The following DNAH9 variants were observed in gnomAD, a reference collection of about 807,000 sequenced individuals.
DNAH9 encodes the protein DNAH9 variant protein.
A neutral mutation model predicts 471.6 loss-of-function variants in DNAH9; 345 were observed. The observed-to-expected ratio is 0.73, with a 90% CI of 0.67 to 0.80. The LOEUF (loss-of-function observed/expected upper bound fraction) is 0.80, where lower values mean the gene tolerates loss of function less well. DNAH9 is among the 30% of genes least tolerant of loss of function. DNAH9 has a pLI of 0.00. For missense variants in DNAH9, 5,407 were observed against 5,609.2 expected, an observed-to-expected ratio of 0.96 and a Z score of 1.15; for synonymous variants, 2,093 against 2,123.6, an observed-to-expected ratio of 0.99 and a Z score of 0.40.
chr17:11,952,141 T>A (rs1404235215), intron 67 of DNAH9, among the ~76,000 whole-genome samples: 1 of 9,742 alleles, frequency 1.0e-4, no homozygotes, highest in Non-Finnish European at 4.1e-4. Flanking sequence ...CTATATTACT[T>A]TTTTTTTTTT....
At chr17:11,863,611 T>C (rs1971937363) in intron 50 of DNAH9, among the ~76,000 whole-genome samples, 1 of 151,454 alleles carries the variant, frequency 6.6e-6, no homozygotes, top group Non-Finnish European at 1.5e-5. Flanking sequence ...AGCTCCTCCT[T>C]GTACCTCTGG....
chr17:11,833,655 T>A (rs763835732), intron 48 of DNAH9, among the ~76,000 whole-genome samples: 1 of 152,198 alleles, frequency 6.6e-6, no homozygotes, highest in African/African-American at 2.4e-5. Context: ...TTTTTGTTTG[T>A]CTTCCTGCAA....
At chr17:11,902,385 G>T (rs1051467598) in intron 59 of DNAH9, among the ~76,000 whole-genome samples, 4 of 152,204 alleles carry the variant, frequency 2.6e-5, no homozygotes, top group Non-Finnish European at 4.4e-5. Flanking sequence ...AACTTTAGGT[G>T]TCCAAGCTTC....
At chr17:11,893,198 T>G (rs899106995) in intron 58 of DNAH9, among the ~76,000 whole-genome samples, 27 of 61,698 alleles carry the variant, frequency 4.4e-4, no homozygotes, top group Middle Eastern at 0.029. Flanking sequence ...AAAAAAAATG[T>G]GGGCCCCACC....
intron 43 of DNAH9, among the ~76,000 whole-genome samples, chr17:11,807,072 G>A (rs574829954): frequency 3.7e-4 from 57 of 152,202 alleles, no homozygotes; most frequent in South Asian, 2.9e-3. Context: ...CACTGAGAGC[G>A]GTGAGCAGTA....
At position 11,932,220 on chromosome 17, in the gene DNAH9, C is replaced by G. The variant is rs1439376486; in HGVS notation, c.12297+15C>G. ...CCAACGCAAAGGTAAAGGCCATGGACATTCAGGGACCAGCCAGGTTGGGAG... is the reference window on the plus strand; with the variant it reads ...CCAACGCAAAGGTAAAGGCCATGGAGATTCAGGGACCAGCCAGGTTGGGAG... On this transcript the variant is annotated intron_variant, in intron 64 of 68. Coordinates refer to ENST00000262442, the MANE Select transcript of DNAH9 (RefSeq NM_001372.4). This position sits in a 1 kb window ranked among gnomAD's most constrained non-coding sequence, Gnocchi z 4.3. The G allele has an allele frequency of 6.2e-7, 1 of 1,608,792 alleles. No individual in the cohort carries two copies. The highest frequency in any genetic ancestry group is 1.3e-5 in the African/African-American group (1 of 74,844).
rs767514320 is a variant in DNAH9 at position 11,881,393 on chromosome 17, C to T, written c.10786C>T (p.Pro3596Ser). ...LLAAVVSMER[P>S]DLEQLKSDLT... Reference sequence around the variant, plus strand: ...GGCCGCTGTGGTCAGCATGGAGAGGCCAGACTTGGAGCAGCTGAAGGTGAG... The same window carrying T: ...GGCCGCTGTGGTCAGCATGGAGAGGTCAGACTTGGAGCAGCTGAAGGTGAG... The change falls in exon 55 of 69, where the codon CCA (proline) becomes TCA (serine). Residue 3596 changes from proline to serine, a missense_variant. Physicochemically the swap from Pro to Ser is moderately conservative, Grantham distance 74. Around this residue, in one of 3 missense-constraint regions of DNAH9, gnomAD observed 4,636 missense variants for 4,900.3 expected, o/e 0.95. Transcript: ENST00000262442. The T allele has an allele frequency of 6.2e-7, 1 of 1,613,192 alleles. No homozygotes were observed. The highest frequency in any genetic ancestry group is 2.2e-5 in the East Asian group (1 of 44,846).
chr17:11,918,598 T>G (rs1282172785), intron 61 of DNAH9, among the ~76,000 whole-genome samples: 1 of 152,134 alleles, frequency 6.6e-6, no homozygotes, highest in Non-Finnish European at 1.5e-5. Flanking sequence ...GAGAGAGGAT[T>G]CAGGATTCAT....
At chr17:11,641,262 A>G (rs1008935334) in intron 10 of DNAH9, among the ~76,000 whole-genome samples, 3 of 151,964 alleles carry the variant, frequency 2.0e-5, no homozygotes, top group Non-Finnish European at 2.9e-5. Flanking sequence ...CCACTCCAGC[A>G]TTGCCAAGCA....
intron 14 of DNAH9, among the ~76,000 whole-genome samples, chr17:11,662,911 A>C (rs2073799272): frequency 1.3e-5 from 2 of 150,680 alleles, no homozygotes; most frequent in Non-Finnish European, 3.0e-5. Flanking sequence ...GCCCGCCACT[A>C]TGCCTGGCTA....
At chr17:11,875,787 G>A (rs893873565) in intron 53 of DNAH9, 1 of 152,416 alleles carries the variant, frequency 6.6e-6, no homozygotes, top group Non-Finnish European at 1.5e-5. Context: ...GCACCCACCA[G>A]GCTTCAGTGG....
chr17:11,721,508 T>C (rs2075058797), intron 27 of DNAH9, among the ~76,000 whole-genome samples: 1 of 152,184 alleles, frequency 6.6e-6, no homozygotes, highest in Admixed American at 6.5e-5. Flanking sequence ...TTCAGAATTA[T>C]TTTTTATGGT....
intron 33 of DNAH9, among the ~76,000 whole-genome samples, chr17:11,755,707 C>A (rs1967354706): frequency 6.6e-6 from 1 of 151,904 alleles, no homozygotes; most frequent in Admixed American, 6.6e-5. Context: ...CACACACACA[C>A]ACAGGGGTGG....
intron 13 of DNAH9, among the ~76,000 whole-genome samples, chr17:11,651,719 A>G (rs562479532): frequency 6.6e-6 from 1 of 152,314 alleles, no homozygotes; most frequent in African/African-American, 2.4e-5. Context: ...TCTCAATTCA[A>G]TACACTTTCA....
At chr17:11,864,720 T>G (rs1215119365) in intron 50 of DNAH9, among the ~76,000 whole-genome samples, 1 of 152,186 alleles carries the variant, frequency 6.6e-6, no homozygotes, top group African/African-American at 2.4e-5. Flanking sequence ...TTTGGGTGCA[T>G]ATATATTTAG....
At position 11,616,347 on chromosome 17, in the gene DNAH9, G is replaced by A. The variant is rs180759391; in HGVS notation, c.905-1064G>A. On this transcript the variant is annotated intron_variant, in intron 4 of 68. Coordinates refer to ENST00000262442, the MANE Select transcript of DNAH9 (RefSeq NM_001372.4). ...ATTTTGAGTTCCCTTTAGGATGAAT[G>A]CAGAGCTTCATCCGCATACTGTAAC... Among the ~76,000 whole-genome samples the A allele has an allele frequency of 4.6e-5, 7 of 152,286 alleles. No individual in the cohort carries two copies. The East Asian group carries it at 1.4e-3, about 29-fold the overall frequency.
intron 27 of DNAH9, among the ~76,000 whole-genome samples, chr17:11,726,286 T>G (rs1241363637): frequency 6.6e-6 from 1 of 152,146 alleles, no homozygotes; most frequent in Non-Finnish European, 1.5e-5. Flanking sequence ...CCAGAGTGCA[T>G]TCTGAGAAAA....
At chr17:11,668,868 T>C (rs898549225) in intron 15 of DNAH9, among the ~76,000 whole-genome samples, 196 bp from the exon 16 acceptor site, 1 of 151,998 alleles carries the variant, frequency 6.6e-6, no homozygotes, top group African/African-American at 2.4e-5. Context: ...TGTCAGTGGT[T>C]CCCCCATTGA....
chr17:11,866,513 C>T (rs1597756818), intron 50 of DNAH9, among the ~76,000 whole-genome samples: 1 of 152,200 alleles, frequency 6.6e-6, no homozygotes, highest in East Asian at 1.9e-4. Flanking sequence ...CTCAGATCTC[C>T]AGCTGCATGC....
Sources: gnomAD v4.1 joint callset for allele counts (sites outside exome capture counted in the v4.1 genomes callset) on GRCh38, gnomAD v4.1.1 for gene constraint, gnomAD v4.1.1 regional missense constraint, Gnocchi (gnomAD v3.1) non-coding constraint, MANE v1.5 for transcripts, NCBI Gene and HGNC (gene_info 2026-07-23, HGNC 2026-07-21) for gene names.